The following NRP1 variants were observed in gnomAD, a reference collection of about 807,000 sequenced individuals.
NRP1 encodes the protein neuropilin-1.
In NRP1, 35 loss-of-function variants were observed where a neutral mutation model predicts 106.7. The ratio of observed to expected loss-of-function variants is 0.33; its 90% CI spans 0.25 to 0.43. NRP1 has a LOEUF of 0.43. Ranked by LOEUF, NRP1 falls within the 20% of genes least tolerant of loss-of-function variation. The pLI, the probability that NRP1 is intolerant of heterozygous loss-of-function variation, is 1.00. For synonymous variants in NRP1, 437 were observed against 417.9 expected (o/e 1.05, Z -0.56); for missense variants, 1,024 against 1,170.4 (o/e 0.87, Z 1.83).
At chr10:33,257,276 C>T (rs12356872) in intron 4 of NRP1, among the ~76,000 whole-genome samples, 24,254 of 152,136 alleles carry the variant, frequency 0.16, 2,223 homozygotes, top group East Asian at 0.47. Context: ...TGATTGTGCA[C>T]ACCAGGAAAA....
chr10:33,329,551 T>G (rs1589007763), intron 2 of NRP1, among the ~76,000 whole-genome samples: 1 of 152,322 alleles, frequency 6.6e-6, no homozygotes, highest in South Asian at 2.1e-4. Flanking sequence ...TGCAAAATAA[T>G]ATTTAGGTCC....
chr10:33,330,696 A>C lies in NRP1; in HGVS notation c.248+12T>G. ...GTGCTGTGGTGCCCTGTTCAAAAAC[A>C]TTCCCACTTACTTGCAGTCTCTGTC... On this transcript the variant is annotated intron_variant, in intron 2 of 16. Coordinates refer to ENST00000374867, the MANE Select transcript of NRP1 (RefSeq NM_003873.7). 1.2e-6 allele frequency: 2 copies of C among 1,607,124 alleles called. No homozygotes were observed. Among genetic ancestry groups the C allele is most frequent in the Non-Finnish European group, 8.5e-7 (1 of 1,175,356 alleles).
chr10:33,238,927 G>C (rs1840789718), intron 6 of NRP1, among the ~76,000 whole-genome samples: 1 of 151,868 alleles, frequency 6.6e-6, no homozygotes, highest in African/African-American at 2.4e-5. Context: ...GTGTGTGTGT[G>C]TGTGTATGTG....
At position 33,270,575 on chromosome 10, in the gene NRP1, C is replaced by T. The variant is rs572112482; in HGVS notation, c.430+100G>A. ...TTCCTGAGCTCAAGTGATCCACCTG[C>T]CTCGGCCTCCCAAAGTGCTGAGATT... On this transcript the variant is annotated intron_variant, in intron 3 of 16. Transcript: ENST00000374867. 8.3e-5 allele frequency: 82 copies of T among 982,688 alleles called. No homozygotes were observed. In the African/African-American group the frequency reaches 1.1e-3, roughly 14 times the overall value. 60.9% of individuals were successfully genotyped at this position (982,688 alleles called of 1,614,324 possible).
chr10:33,245,041 G>A lies in NRP1; in HGVS notation c.981+8987C>T, dbSNP rs563105898. Among the ~76,000 whole-genome samples the A allele has an allele frequency of 3.3e-5, 5 of 152,280 alleles. No individual in the cohort carries two copies. In the East Asian group the frequency reaches 9.6e-4, roughly 29 times the overall value. On this transcript the variant is annotated intron_variant, in intron 6 of 16. Coordinates refer to ENST00000374867, the MANE Select transcript of NRP1 (RefSeq NM_003873.7). ...AAGCCTAAGATAAATAAGCAGGAAGGTTTATGAAGCTATTTTCCTGCATAA... is the reference window on the plus strand; with the variant it reads ...AAGCCTAAGATAAATAAGCAGGAAGATTTATGAAGCTATTTTCCTGCATAA...
Position 33,179,588 on chromosome 10 carries a change from C to A in NRP1, c.*488G>T. 6.2e-6 allele frequency: 1 copy of A among 160,614 alleles called. No individual in the cohort carries two copies. Among genetic ancestry groups the A allele is most frequent in the East Asian group, 1.8e-4 (1 of 5,556 alleles). 9.9% of individuals were successfully genotyped at this position (160,614 alleles called of 1,614,324 possible). On this transcript the variant is annotated 3_prime_UTR_variant, in exon 17 of 17. Transcript: ENST00000374867. ...ACAGCCTAATCCTTCTTTGCCTATG[C>A]ACGACGCGGGCAATTATACACAAGT...
intron 2 of NRP1, among the ~76,000 whole-genome samples, chr10:33,289,533 G>C (rs538556192): frequency 6.6e-6 from 1 of 152,082 alleles, no homozygotes; most frequent in Non-Finnish European, 1.5e-5. Flanking sequence ...TTCCCTAGTG[G>C]TGTTATAAAT....
At chr10:33,319,568 T>TTTTC (rs1293392507) in intron 2 of NRP1, among the ~76,000 whole-genome samples, 31 of 148,758 alleles carry the variant, frequency 2.1e-4, no homozygotes, top group Middle Eastern at 3.5e-3. Flanking sequence ...CATCTTTTTT[T>TTTTC]TTTCTTTCTT....
chr10:33,218,929 G>A (rs534110933), intron 8 of NRP1, among the ~76,000 whole-genome samples: 2 of 152,250 alleles, frequency 1.3e-5, no homozygotes, highest in South Asian at 4.1e-4. Context: ...AGAAAATGAG[G>A]CAAACAGGTC....
rs781387948 is a variant in NRP1 at position 33,213,531 on chromosome 10, C to T, written c.1469G>A (p.Gly490Glu). ...YINEWLQIDLGEEKIVRGIII... is the reference protein window; with the variant it reads ...YINEWLQIDLEEEKIVRGIII... ...GATGCCCCTCACGATCTTCTCCTCC[C>T]CCAGGTCTATTTGGAGCCACTCATT... The change falls in exon 9 of 17, where the codon GGG becomes GAG. Residue 490 changes from glycine (G) to glutamate (E), a missense_variant. By Grantham distance (98) the Gly-to-Glu change is moderately conservative. Coordinates refer to ENST00000374867, the MANE Select transcript of NRP1 (RefSeq NM_003873.7). The T allele has an allele frequency of 3.1e-6, 5 of 1,613,964 alleles. No individual in the cohort carries two copies. In the East Asian group the frequency reaches 6.7e-5, roughly 22 times the overall value.
At chr10:33,273,289 C>T (rs1417182133) in intron 2 of NRP1, among the ~76,000 whole-genome samples, 2 of 152,184 alleles carry the variant, frequency 1.3e-5, no homozygotes, top group African/African-American at 4.8e-5. Flanking sequence ...CAAATAGCAG[C>T]TCCTGTAAAT....
At chr10:33,208,872 T>C (rs1838039508) in intron 9 of NRP1, among the ~76,000 whole-genome samples, 1 of 150,560 alleles carries the variant, frequency 6.6e-6, no homozygotes, top group African/African-American at 2.4e-5. Context: ...AAAAGAAAAC[T>C]GATAAAATGG....
chr10:33,331,155 A>G (rs1178461358), intron 1 of NRP1, among the ~76,000 whole-genome samples: 1 of 152,206 alleles, frequency 6.6e-6, no homozygotes, highest in Non-Finnish European at 1.5e-5. Context: ...AAGGTCTTCT[A>G]GCATTAAAAA....
At chr10:33,208,116 G>A (rs756387430) in intron 9 of NRP1, among the ~76,000 whole-genome samples, 1 of 152,094 alleles carries the variant, frequency 6.6e-6, no homozygotes, top group Non-Finnish European at 1.5e-5. Context: ...TGCAGAGTTG[G>A]GGTTTCACCA....
intron 6 of NRP1, among the ~76,000 whole-genome samples, chr10:33,234,463 G>C (rs1840406155): frequency 6.6e-6 from 1 of 152,042 alleles, no homozygotes; most frequent in Non-Finnish European, 1.5e-5. Flanking sequence ...TCTTTTTGGA[G>C]ATTCATTATT....
At chr10:33,283,554 G>A (rs952516951) in intron 2 of NRP1, among the ~76,000 whole-genome samples, 2 of 152,114 alleles carry the variant, frequency 1.3e-5, no homozygotes, top group Non-Finnish European at 2.9e-5. Flanking sequence ...TTTTGTATCT[G>A]ACAACATGTG....
chr10:33,224,164 A>G (rs1416779926), intron 7 of NRP1, among the ~76,000 whole-genome samples: 1 of 152,166 alleles, frequency 6.6e-6, no homozygotes, highest in Non-Finnish European at 1.5e-5. Flanking sequence ...ATTTCATTAG[A>G]TTCAGCTAAA....
chr10:33,267,993 A>T (rs188083298), intron 3 of NRP1, among the ~76,000 whole-genome samples: 1 of 152,308 alleles, frequency 6.6e-6, no homozygotes, highest in Non-Finnish European at 1.5e-5. Flanking sequence ...GTTGCATTAA[A>T]CTATGATTAG....
At chr10:33,317,679 T>C (rs1014760273) in intron 2 of NRP1, among the ~76,000 whole-genome samples, 2 of 151,848 alleles carry the variant, frequency 1.3e-5, no homozygotes, top group Non-Finnish European at 2.9e-5. Context: ...TTACAATTCC[T>C]CAAGCACACA....
Sources: allele counts gnomAD v4.1 joint callset (sites outside exome capture counted in the v4.1 genomes callset), GRCh38; gene constraint gnomAD v4.1.1; transcripts MANE v1.5; gene names NCBI Gene and HGNC (gene_info 2026-07-23, HGNC 2026-07-21).